Variants in NAV2 observed in about 807,000 individuals in gnomAD.
NAV2 encodes the protein helicase, APC down-regulated 1.
NAV2 carries 54 observed loss-of-function variants against 223.2 expected under a neutral mutation model. The observed-to-expected ratio is 0.24, with a 90% CI of 0.19 to 0.30. The LOEUF (loss-of-function observed/expected upper bound fraction) is 0.30, where lower values mean the gene tolerates loss of function less well. Among genes scored for constraint, NAV2 ranks in the 10% least tolerant of loss-of-function variants. NAV2 has a pLI of 1.00. For synonymous variants in NAV2, 1,279 were observed against 1,239.3 expected (o/e 1.03, Z -0.67); for missense variants, 2,806 against 3,147.5 (o/e 0.89, Z 2.60).
At chr11:20,054,038 C>T (rs1372641597) in intron 17 of NAV2, 42 bp from the exon 18 acceptor site, 17 of 1,590,932 alleles carry the variant, frequency 1.1e-5, no homozygotes, top group Non-Finnish European at 1.4e-5. Flanking sequence ...TTTTAATAAG[C>T]ATTGTTCATA....
chr11:19,402,586 T>C (rs1849731994), intron 1 of NAV2, among the ~76,000 whole-genome samples: 1 of 152,258 alleles, frequency 6.6e-6, no homozygotes, highest in Admixed American at 6.5e-5. Context: ...ATTTTTTATT[T>C]ATTTGAGTGT....
At chr11:20,034,385 T>C (rs867374841) in intron 11 of NAV2, among the ~76,000 whole-genome samples, 3,370 of 148,710 alleles carry the variant, frequency 0.023, 109 homozygotes, top group African/African-American at 0.076. Flanking sequence ...TTTTTGTTTG[T>C]TTGTTTGTTT....
intron 1 of NAV2, among the ~76,000 whole-genome samples, chr11:19,736,095 A>G (rs2052268047): frequency 6.6e-6 from 1 of 152,222 alleles, no homozygotes; most frequent in African/African-American, 2.4e-5. Flanking sequence ...GGGTTGTGAC[A>G]GTTCAAAACA....
At chr11:19,700,695 C>G (rs913949903) in intron 1 of NAV2, among the ~76,000 whole-genome samples, 2 of 152,198 alleles carry the variant, frequency 1.3e-5, no homozygotes, top group African/African-American at 4.8e-5. Context: ...TGGTCATCCT[C>G]TTTGCCTTTC....
chr11:19,601,755 C>G (rs1220908751), intron 1 of NAV2, among the ~76,000 whole-genome samples: 1 of 152,128 alleles, frequency 6.6e-6, no homozygotes, highest in Non-Finnish European at 1.5e-5. Context: ...TGAAGTGACA[C>G]TAAAGCTCAG....
intron 6 of NAV2, among the ~76,000 whole-genome samples, chr11:19,915,669 T>C (rs1418663650): frequency 1.3e-5 from 2 of 152,182 alleles, no homozygotes; most frequent in South Asian, 2.1e-4. Context: ...CCTCTGGAGA[T>C]TGAGTTTGAA....
chr11:19,774,358 G>A (rs1018813808), intron 1 of NAV2, among the ~76,000 whole-genome samples: 2 of 152,152 alleles, frequency 1.3e-5, no homozygotes, highest in Non-Finnish European at 2.9e-5. Flanking sequence ...AAAATTTTAT[G>A]TAGAGACAAG....
intron 3 of NAV2, among the ~76,000 whole-genome samples, chr11:19,856,164 A>G (rs2061398500): frequency 6.6e-6 from 1 of 152,220 alleles, no homozygotes; most frequent in African/African-American, 2.4e-5. Context: ...AAAAATTATC[A>G]TTCTTTCTTC....
chr11:19,691,952 C>G (rs184249768), intron 1 of NAV2, among the ~76,000 whole-genome samples: 33 of 152,366 alleles, frequency 2.2e-4, no homozygotes, highest in Admixed American at 2.0e-3. Context: ...GCTGACAACA[C>G]TTTCCACATG....
At chr11:19,591,053 A>C (rs966319495) in intron 1 of NAV2, 3 of 152,244 alleles carry the variant, frequency 2.0e-5, no homozygotes, top group Non-Finnish European at 4.4e-5. Flanking sequence ...AATTGTAGAA[A>C]GCATATTGTT....
intron 8 of NAV2, among the ~76,000 whole-genome samples, chr11:19,945,180 C>A (rs1477873412): frequency 1.1e-5 from 1 of 92,940 alleles, no homozygotes; most frequent in Non-Finnish European, 2.1e-5. Flanking sequence ...CCCTTCCCTT[C>A]CCTTCCCTTC....
At chr11:19,679,093 A>C (rs1052207156) in intron 1 of NAV2, among the ~76,000 whole-genome samples, 2 of 152,250 alleles carry the variant, frequency 1.3e-5, no homozygotes, top group African/African-American at 4.8e-5. Flanking sequence ...ACATAGAGCT[A>C]TATGGAGAAA....
At position 19,944,074 on chromosome 11, in the gene NAV2, G is replaced by A. The variant is rs189997925; in HGVS notation, c.2147-2327G>A. On this transcript the variant is annotated intron_variant, in intron 8 of 37. Coordinates refer to ENST00000349880, the MANE Select transcript of NAV2 (RefSeq NM_145117.5). ...AATTTAGCCGGGTGTGGTGGCGGGC[G>A]CCTGTTATCCCAGCTACTCAGGAGG... is the stretch of plus-strand genomic sequence containing the variant. 8.5e-5 allele frequency among the ~76,000 whole-genome samples: 13 copies of A among 152,200 alleles called. No homozygotes were observed. The East Asian group carries it at 1.7e-3, about 20-fold the overall frequency.
At chr11:19,907,171 A>G (rs1300880659) in intron 6 of NAV2, among the ~76,000 whole-genome samples, 2 of 152,212 alleles carry the variant, frequency 1.3e-5, no homozygotes, top group Admixed American at 6.5e-5. Context: ...CAATGATTTC[A>G]TAAGTGTCCA....
At chr11:19,742,873 C>A (rs2052974497) in intron 1 of NAV2, among the ~76,000 whole-genome samples, 2 of 152,246 alleles carry the variant, frequency 1.3e-5, no homozygotes, top group Non-Finnish European at 2.9e-5. Flanking sequence ...TCCTGGCAAG[C>A]TGTGGCTACT....
chr11:19,800,505 G>C (rs377132272), intron 1 of NAV2, among the ~76,000 whole-genome samples: 1 of 152,218 alleles, frequency 6.6e-6, no homozygotes, highest in African/African-American at 2.4e-5. Flanking sequence ...AGACACCCTA[G>C]GACCTGCTCA....
chr11:19,381,975 T>C (rs1848854108), intron 1 of NAV2, among the ~76,000 whole-genome samples: 1 of 152,160 alleles, frequency 6.6e-6, no homozygotes. Context: ...GCCAATCTGC[T>C]GGGTCGTGGC....
In NAV2 at chr11:19,482,613, G is replaced by A. The variant is rs146524786; in HGVS notation, c.75+131586G>A. On this transcript the variant is annotated intron_variant, in intron 1 of 37. Coordinates refer to the NAV2 transcript ENST00000360655. ...GAGCTACTCTGACCACACCAGCACC[G>A]CCCTCCCCAATAGTCTTTGCAAGTC... is the stretch of plus-strand genomic sequence containing the variant. 1.9e-4 allele frequency among the ~76,000 whole-genome samples: 29 copies of A among 152,248 alleles called. No individual in the cohort carries two copies. The East Asian group carries it at 5.0e-3, about 26-fold the overall frequency.
At chr11:19,618,106 A>T (rs2046853472) in intron 1 of NAV2, among the ~76,000 whole-genome samples, 1 of 152,244 alleles carries the variant, frequency 6.6e-6, no homozygotes, top group Non-Finnish European at 1.5e-5. Flanking sequence ...CTAGACTATA[A>T]GACCCATAAG....
Sources: gnomAD v4.1 joint callset for allele counts (sites outside exome capture counted in the v4.1 genomes callset) on GRCh38, gnomAD v4.1.1 for gene constraint, MANE v1.5 for transcripts, NCBI Gene and HGNC (gene_info 2026-07-23, HGNC 2026-07-21) for gene names.